AUTS2: variants seen among roughly 807,000 people sequenced by gnomAD.
The protein encoded by AUTS2 is autism susceptibility gene 2 protein.
A neutral mutation model predicts 112.4 loss-of-function variants in AUTS2; 17 were observed. The ratio of observed to expected loss-of-function variants is 0.15; its 90% CI spans 0.10 to 0.23. AUTS2 has a LOEUF of 0.23. Among genes scored for constraint, AUTS2 ranks in the 10% least tolerant of loss-of-function variants. The pLI, the probability that AUTS2 is intolerant of heterozygous loss-of-function variation, is 1.00. For missense variants in AUTS2, 1,510 were observed against 1,701.6 expected (o/e 0.89, Z 1.98); for synonymous variants, 751 against 702.7 (o/e 1.07, Z -1.09).
intron 1 of AUTS2, among the ~76,000 whole-genome samples, chr7:69,694,871 A>G (rs190947182): frequency 2.0e-5 from 3 of 152,314 alleles, no homozygotes; most frequent in South Asian, 2.1e-4. Context: ...CAAAACGCCA[A>G]ACGTCTTTGA....
chr7:70,016,952 G>A (rs909110766), intron 2 of AUTS2, among the ~76,000 whole-genome samples: 39 of 152,216 alleles, frequency 2.6e-4, no homozygotes, highest in African/African-American at 8.0e-4. Flanking sequence ...ACAGGCGTGA[G>A]CCACTGTGCC....
intron 14 of AUTS2, among the ~76,000 whole-genome samples, chr7:70,779,288 T>C (rs1323255002): frequency 6.6e-6 from 1 of 152,218 alleles, no homozygotes; most frequent in African/African-American, 2.4e-5. Flanking sequence ...TCCCTCTCTC[T>C]GTAACGTTCA....
intron 6 of AUTS2, among the ~76,000 whole-genome samples, chr7:70,718,168 G>A (rs1235918140): frequency 1.3e-5 from 2 of 152,070 alleles, no homozygotes; most frequent in Non-Finnish European, 2.9e-5. Context: ...AGTCACCTGT[G>A]GGGGAAGAGC....
chr7:70,248,982 A>T (rs1368848348), intron 4 of AUTS2, among the ~76,000 whole-genome samples: 1 of 152,200 alleles, frequency 6.6e-6, no homozygotes, highest in Admixed American at 6.5e-5. Flanking sequence ...TATTCTAGAT[A>T]AATTATATTT....
chr7:70,160,633 CTT>C (rs1365269320), intron 4 of AUTS2, among the ~76,000 whole-genome samples: 1 of 152,156 alleles, frequency 6.6e-6, no homozygotes, highest in African/African-American at 2.4e-5. Context: ...CAAAATGCAT[CTT>C]GTTATTGTTG....
intron 1 of AUTS2, among the ~76,000 whole-genome samples, chr7:69,617,306 G>T (rs546769795): frequency 6.6e-6 from 1 of 152,278 alleles, no homozygotes; most frequent in African/African-American, 2.4e-5. Flanking sequence ...ACTTGTATGT[G>T]TATGCTTACG....
intron 2 of AUTS2, among the ~76,000 whole-genome samples, chr7:69,916,561 T>G (rs914101186): frequency 3.9e-5 from 6 of 152,176 alleles, no homozygotes; most frequent in Non-Finnish European, 8.8e-5. Context: ...CATATCTCAC[T>G]TTGAAATCTA....
intron 5 of AUTS2, among the ~76,000 whole-genome samples, chr7:70,507,263 G>C (rs1017361143): frequency 2.0e-5 from 3 of 152,150 alleles, no homozygotes; most frequent in Non-Finnish European, 2.9e-5. Flanking sequence ...ACTGGCCCAA[G>C]CATGGTGGCT....
At position 69,879,120 on chromosome 7, in the gene AUTS2, CTGTGTGTGTG is replaced by C. The variant is rs5884770; in HGVS notation, c.310-20138_310-20129del. The stretch of plus-strand genomic sequence containing the variant: ...CTCAGTTATAGATATTTGAGACTTT[CTGTGTGTGTG>C]TGTGTGTGTGTGTGTGTGTGTGTGT... On this transcript the variant is annotated intron_variant, in intron 1 of 18. Transcript: ENST00000342771. Among the ~76,000 whole-genome samples the C allele has an allele frequency of 1.0e-3, 148 of 147,718 alleles. 4 individuals are homozygous for C. In the South Asian group the frequency reaches 0.017, roughly 17 times the overall value.
At chr7:70,667,895 T>C (rs1419582908) in intron 5 of AUTS2, among the ~76,000 whole-genome samples, 1 of 152,220 alleles carries the variant, frequency 6.6e-6, no homozygotes, top group African/African-American at 2.4e-5. Context: ...CCCTTCTTAG[T>C]ATGGTAGGTA....
At chr7:69,807,027 C>G (rs1293393125) in intron 1 of AUTS2, among the ~76,000 whole-genome samples, 1 of 152,078 alleles carries the variant, frequency 6.6e-6, no homozygotes, top group East Asian at 1.9e-4. Context: ...CCAGCTTGCT[C>G]TTGTAATGTT....
chr7:70,203,963 TAAAAA>T (rs34646200), intron 4 of AUTS2, among the ~76,000 whole-genome samples: 3 of 138,970 alleles, frequency 2.2e-5, no homozygotes, highest in South Asian at 2.3e-4. Flanking sequence ...TTTTAAGCCT[TAAAAA>T]AAAAAAAAAA....
chr7:69,731,857 C>T (rs906592506), intron 1 of AUTS2, among the ~76,000 whole-genome samples: 5 of 152,150 alleles, frequency 3.3e-5, no homozygotes, highest in Admixed American at 6.5e-5. Flanking sequence ...TTATTATGTG[C>T]GTAATCGTAG....
chr7:70,647,307 G>A (rs1293557669), intron 5 of AUTS2, among the ~76,000 whole-genome samples: 1 of 152,172 alleles, frequency 6.6e-6, no homozygotes, highest in Non-Finnish European at 1.5e-5. Flanking sequence ...GGCTCTGGGG[G>A]CCGTGGGAGC....
intron 5 of AUTS2, among the ~76,000 whole-genome samples, chr7:70,640,420 G>GA (rs1563094385): frequency 1.6e-3 from 52 of 32,414 alleles, no homozygotes; most frequent in African/African-American, 4.8e-3. Context: ...ACTCACAGGG[G>GA]GAAAAAAAAA....
chr7:70,209,741 A>G (rs1454520082), intron 4 of AUTS2, among the ~76,000 whole-genome samples: 1 of 152,134 alleles, frequency 6.6e-6, no homozygotes, highest in South Asian at 2.1e-4. Flanking sequence ...AATAATATTA[A>G]TTGGGGCTTT....
At chr7:70,263,168 G>A (rs1219180238) in intron 4 of AUTS2, among the ~76,000 whole-genome samples, 1 of 151,864 alleles carries the variant, frequency 6.6e-6, no homozygotes, top group Non-Finnish European at 1.5e-5. Context: ...CTCCTAAAAC[G>A]ATTGTCTATC....
At chr7:70,559,132 CTT>C (rs1405142124) in intron 5 of AUTS2, among the ~76,000 whole-genome samples, 1 of 152,310 alleles carries the variant, frequency 6.6e-6, no homozygotes, top group Non-Finnish European at 1.5e-5. Flanking sequence ...CATGCTCCCT[CTT>C]TGCCTGCCGC....
chr7:69,749,475 TC>T (rs150388469), intron 1 of AUTS2, among the ~76,000 whole-genome samples: 4,265 of 152,304 alleles, frequency 0.028, 193 homozygotes, highest in African/African-American at 0.097. Flanking sequence ...TCCCTTATCT[TC>T]TTTTCAGCTG....
Sources: gnomAD v4.1 joint callset for allele counts (sites outside exome capture counted in the v4.1 genomes callset) on GRCh38, gnomAD v4.1.1 for gene constraint, MANE v1.5 for transcripts, NCBI Gene and HGNC (gene_info 2026-07-23, HGNC 2026-07-21) for gene names.